Variants in BTBD18 observed in about 807,000 individuals in gnomAD.
BTBD18 encodes BTB/POZ domain-containing protein 18.
For synonymous variants in BTBD18, 311 were observed against 324.4 expected, an observed-to-expected ratio of 0.96 and a Z score of 0.44; for missense variants, 787 against 846.3, an observed-to-expected ratio of 0.93 and a Z score of 0.87.
At position 57,745,564 on chromosome 11, in the gene BTBD18, CATTCTT is replaced by C. The variant is rs1949173498; in HGVS notation, c.703_708del (p.Lys235_Asn236del). ...AGCACTGTAGGATCAAGGGCAGTGT[CATTCTT>C]GTTCTCTCTAGGCTCTTGACTATGG... On this transcript the variant is annotated inframe_deletion, in exon 3 of 3. Coordinates refer to ENST00000422652, the MANE Select transcript of BTBD18 (RefSeq NM_001145101.3). The C allele has an allele frequency of 6.4e-7, 1 of 1,551,088 alleles. No homozygotes were observed. Among genetic ancestry groups the C allele is most frequent in the Non-Finnish European group, 8.7e-7 (1 of 1,146,986 alleles).
rs1404426299 is a variant in BTBD18 at position 57,745,414 on chromosome 11, T to TA, written c.858dup (p.Ser287Ter). The stretch of plus-strand genomic sequence containing the variant: ...CGGCCAGGGGTTGCAGGCACTGAGC[T>TA]AGATCCACTTAAAATGCTGGAAGGC... On this transcript the variant is annotated frameshift_variant, in exon 3 of 3. Coordinates refer to ENST00000422652, the MANE Select transcript of BTBD18 (RefSeq NM_001145101.3). LOFTEE classifies it low-confidence loss of function (END_TRUNC). The TA allele has an allele frequency of 1.9e-6, 3 of 1,551,592 alleles. No homozygotes were observed. The highest frequency in any genetic ancestry group is 2.6e-6 in the Non-Finnish European group (3 of 1,147,004).
At position 57,751,746 on chromosome 11, in the gene BTBD18, G is replaced by T. The variant is rs945006028; in HGVS notation, c.-254C>A. On this transcript the variant is annotated 5_prime_UTR_variant, in exon 1 of 3. Transcript: ENST00000422652. ...TGAGCACCACATCCCAGCTCCACAG[G>T]TATAATCTTCAAGTTAACACTTTTA... 1 of 152,150 alleles carries T rather than the reference G, an allele frequency of 6.6e-6. No homozygotes were observed. The highest frequency in any genetic ancestry group is 2.4e-5 in the African/African-American group (1 of 41,414). 9.4% of individuals were successfully genotyped at this position (152,150 alleles called of 1,614,324 possible).
At chr11:57,750,520 A>G (rs1949285765) in intron 2 of BTBD18, among the ~76,000 whole-genome samples, 1 of 152,232 alleles carries the variant, frequency 6.6e-6, no homozygotes, top group African/African-American at 2.4e-5. Flanking sequence ...TCATGGCAAA[A>G]CCTCATCTCT....
Position 57,751,078 on chromosome 11 carries a change from A to G in BTBD18, c.111T>C (p.Leu37=). ...QQQSDVFCDV[L]LQAEGEAVPA... is the part of the protein sequence containing the mutation. ...CCACTCTCTTACCTTCTGCCTGCAG[A>G]AGGACATCACAGAACACATCACTCT... Residue 37 remains leucine, a synonymous_variant, in exon 2 of 3, where the codon CTT becomes CTC. Coordinates refer to ENST00000422652, the MANE Select transcript of BTBD18 (RefSeq NM_001145101.3). 5.2e-6 allele frequency: 8 copies of G among 1,539,874 alleles called. No homozygotes were observed. Among genetic ancestry groups the G allele is most frequent in the Non-Finnish European group, 7.0e-6 (8 of 1,143,284 alleles).
In BTBD18 at chr11:57,745,979, C is replaced by A. The variant is rs925133225; in HGVS notation, c.294G>T (p.Met98Ile). 6.4e-6 allele frequency: 10 copies of A among 1,551,646 alleles called. No homozygotes were observed. Among genetic ancestry groups the A allele is most frequent in the Non-Finnish European group, 8.7e-6 (10 of 1,146,988 alleles). The change falls in exon 3 of 3, where the codon ATG (methionine) becomes ATT (isoleucine). Residue 98 changes from methionine to isoleucine, a missense_variant. By Grantham distance (10) the Met-to-Ile change is conservative. Transcript: ENST00000422652. Reference sequence around the variant, plus strand: ...CCTGGGCTTCTTCTTGAGATACTTCCATTTCTGAGGTATACAAGAAGTCCA... The same window carrying A: ...CCTGGGCTTCTTCTTGAGATACTTCAATTTCTGAGGTATACAAGAAGTCCA... ...KLVDFLYTSE[M>I]EVSQEEAQDV... is the part of the protein sequence containing the mutation.
rs529705855 is a variant in BTBD18, at chr11:57,746,216, T to C, written c.125-68A>G. On this transcript the variant is annotated intron_variant, in intron 2 of 2. Transcript: ENST00000422652. ...ATGTTCATGGGCTAAGCATAGACAT[T>C]ACTACCCAAATGTACTGCCCCTTCT... The C allele has an allele frequency of 1.8e-4, 220 of 1,249,936 alleles. No individual in the cohort carries two copies. The South Asian group carries it at 3.2e-3, about 18-fold the overall frequency. 77.4% of individuals were successfully genotyped at this position (1,249,936 alleles called of 1,614,324 possible).
Position 57,744,743 on chromosome 11 carries a change from A to G in BTBD18, c.1530T>C (p.Pro510=). 1 of 1,551,678 alleles carries G rather than the reference A, an allele frequency of 6.4e-7. No homozygotes were observed. Among genetic ancestry groups the G allele is most frequent in the Non-Finnish European group, 8.7e-7 (1 of 1,146,982 alleles). ...FMLCGSDIEP[P]IGSLESPGAE... ...CCCCTGGACTCTCCAGAGACCCTAT[A>G]GGTGGTTCAATGTCTGAGCCACAGA... The change falls in exon 3 of 3, where the codon CCT becomes CCC. Residue 510 remains proline, a synonymous_variant. Coordinates refer to ENST00000422652, the MANE Select transcript of BTBD18 (RefSeq NM_001145101.3).
intron 2 of BTBD18, among the ~76,000 whole-genome samples, chr11:57,747,502 TTTTTTGTTTTTG>T (rs376936358): frequency 1.3e-5 from 2 of 152,136 alleles, no homozygotes; most frequent in South Asian, 2.1e-4. Flanking sequence ...AGTATCAGGG[TTTTTTGTTTTTG>T]TTTTTGTTTT....
rs1949139331 is a variant in BTBD18 at position 57,743,855 on chromosome 11, T to TA, written c.*278_*279insT. ...GAGATCTGGCCTTGGCTGTTACCTA[T>TA]GACCCACCAGAATTGGGGAGCACAC... On this transcript the variant is annotated 3_prime_UTR_variant, in exon 3 of 3. Coordinates refer to ENST00000422652, the MANE Select transcript of BTBD18 (RefSeq NM_001145101.3). 1 of 329,652 alleles carries TA rather than the reference T, an allele frequency of 3.0e-6. No individual in the cohort carries two copies. Among genetic ancestry groups the TA allele is most frequent in the African/African-American group, 2.1e-5 (1 of 47,604 alleles). The allele number at this position is 329,652 out of a possible 1,614,324, so 20.4% of individuals were successfully genotyped here.
Position 57,744,442 on chromosome 11 carries a change from G to C in BTBD18, c.1831C>G (p.Leu611Val). ...GGAGTATCAAGGGAGCTGACATGGAGAAGTTTGTCTTCCTGACCATCCAGT... is the reference window on the plus strand; with the variant it reads ...GGAGTATCAAGGGAGCTGACATGGACAAGTTTGTCTTCCTGACCATCCAGT... The part of the protein sequence containing the change: ...QPLDGQEDKL[L>V]HVSSLDTPQR... The change falls in exon 3 of 3, where the codon CTC becomes GTC. Residue 611 changes from leucine (L) to valine (V), a missense_variant. By Grantham distance (32) the Leu-to-Val change is conservative (BLOSUM62 1). Transcript: ENST00000422652. 6.4e-7 allele frequency: 1 copy of C among 1,551,706 alleles called. No homozygotes were observed. Among genetic ancestry groups the C allele is most frequent in the Admixed American group, 2.0e-5 (1 of 51,000 alleles).
chr11:57,747,332 C>G (rs1949215262), intron 2 of BTBD18, among the ~76,000 whole-genome samples: 1 of 152,324 alleles, frequency 6.6e-6, no homozygotes, highest in Admixed American at 6.5e-5. Flanking sequence ...CTCACAAGCA[C>G]CTTCAATGCA....
At chr11:57,751,011 CATTTT>C (rs1207454921) in intron 2 of BTBD18, 49 bp downstream of exon 2, 1 of 1,448,074 alleles carries the variant, frequency 6.9e-7, no homozygotes, top group African/African-American at 1.5e-5. Flanking sequence ...GCTCTGAACT[CATTTT>C]ATCTTATTCT....
rs1225917308 is a variant in BTBD18, at chr11:57,744,174, G to A, written c.2099C>T (p.Pro700Leu). The stretch of plus-strand genomic sequence containing the variant: ...TACCTCTGTTTCTGACTCTGAGGAA[G>A]GGTCAGGCCACACGGAGGGAACAGT... ...PTTVPSVWPD[P>L]SSESETEVDI... The change falls in exon 3 of 3, where the codon CCT (proline) becomes CTT (leucine). Residue 700 changes from proline to leucine, a missense_variant. By Grantham distance (98) the Pro-to-Leu change is moderately conservative. Coordinates refer to ENST00000422652, the MANE Select transcript of BTBD18 (RefSeq NM_001145101.3). 2 of 1,551,442 alleles carry A rather than the reference G, an allele frequency of 1.3e-6. No individual in the cohort carries two copies. Among genetic ancestry groups the A allele is most frequent in the African/African-American group, 1.4e-5 (1 of 73,136 alleles).
chr11:57,743,918 C>T lies in BTBD18; in HGVS notation c.*216G>A. On this transcript the variant is annotated 3_prime_UTR_variant, in exon 3 of 3. Transcript: ENST00000422652. ...TTGTCACTAACCGGAAAATAGATTA[C>T]AAATAAGATGGTACAAGTTCATAAT... 1 of 483,176 alleles carries T rather than the reference C, an allele frequency of 2.1e-6. No homozygotes were observed. Among genetic ancestry groups the T allele is most frequent in the Non-Finnish European group, 3.7e-6 (1 of 272,336 alleles). The allele number at this position is 483,176 out of a possible 1,614,324, so 29.9% of individuals were successfully genotyped here.
At position 57,744,615 on chromosome 11, in the gene BTBD18, T is replaced by A; in HGVS notation, c.1658A>T (p.Glu553Val). 1 of 1,551,668 alleles carries A rather than the reference T, an allele frequency of 6.4e-7. No individual in the cohort carries two copies. The highest frequency in any genetic ancestry group is 8.7e-7 in the Non-Finnish European group (1 of 1,146,990). ...AGGTTCCTTTTCCAATTCTGTGAGC[T>A]CCCTGGGCCAGAGTTCCATGTCTGG... is the stretch of plus-strand genomic sequence containing the variant. ...CLPDMELWPRELTELEKEPAG... is the reference protein window; with the variant it reads ...CLPDMELWPRVLTELEKEPAG... Residue 553 changes from glutamate (E) to valine (V), a missense_variant, in exon 3 of 3, where the codon GAG (glutamate) becomes GTG (valine). Physicochemically the swap from Glu to Val is moderately radical, Grantham distance 121. Coordinates refer to ENST00000422652, the MANE Select transcript of BTBD18 (RefSeq NM_001145101.3).
chr11:57,747,596 C>T (rs796194512), intron 2 of BTBD18, among the ~76,000 whole-genome samples: 2 of 152,112 alleles, frequency 1.3e-5, no homozygotes, highest in South Asian at 4.1e-4. Flanking sequence ...GTTACTGCAA[C>T]CTCCGCCTCC....
chr11:57,748,336 TGTAAA>T (rs1333588052), intron 2 of BTBD18, among the ~76,000 whole-genome samples: 3 of 152,238 alleles, frequency 2.0e-5, no homozygotes, highest in African/African-American at 7.2e-5. Context: ...ACTGTAACTC[TGTAAA>T]GTAGCTACTG....
rs1949141136 is a variant in BTBD18 at position 57,743,953 on chromosome 11, A to G, written c.*181T>C. 5.3e-6 allele frequency: 3 copies of G among 562,278 alleles called. No homozygotes were observed. The East Asian group carries it at 8.5e-5, about 16-fold the overall frequency. The allele number at this position is 562,278 out of a possible 1,614,324, so 34.8% of individuals were successfully genotyped here. On this transcript the variant is annotated 3_prime_UTR_variant, in exon 3 of 3. Coordinates refer to ENST00000422652, the MANE Select transcript of BTBD18 (RefSeq NM_001145101.3). ...GGTACAAGTTCATAATTTTCTATCT[A>G]TGGTACCCTTGGCTTCTGCCTGGCT...
At position 57,748,619 on chromosome 11, in the gene BTBD18, A is replaced by C. The variant is rs548709094; in HGVS notation, c.124+2446T>G. Among the ~76,000 whole-genome samples, 14 of 152,084 alleles carry C rather than the reference A, an allele frequency of 9.2e-5. No individual in the cohort carries two copies. In the East Asian group the frequency reaches 2.1e-3, roughly 23 times the overall value. ...TCTGGCTACAGAGTCTATGCCCTTA[A>C]CCACTTCAGCAACTTTTGTAAACTC... is the stretch of plus-strand genomic sequence containing the variant. On this transcript the variant is annotated intron_variant, in intron 2 of 2. Coordinates refer to ENST00000422652, the MANE Select transcript of BTBD18 (RefSeq NM_001145101.3).
Sources: gnomAD v4.1 joint callset for allele counts (sites outside exome capture counted in the v4.1 genomes callset) on GRCh38, gnomAD v4.1.1 for gene constraint, MANE v1.5 for transcripts, NCBI Gene and HGNC (gene_info 2026-07-23, HGNC 2026-07-21) for gene names.